Variants in MOV10L1 observed in about 807,000 individuals in gnomAD.
MOV10L1 encodes Mov10 like RNA helicase 1.
A neutral mutation model predicts 143.8 loss-of-function variants in MOV10L1; 110 were observed. That is an observed-to-expected ratio of 0.76 (90% CI 0.66 to 0.90). The LOEUF (loss-of-function observed/expected upper bound fraction) is 0.90. Ranked by LOEUF, MOV10L1 falls within the 40% of genes least tolerant of loss-of-function variation. MOV10L1 has a pLI of 0.00. For synonymous variants in MOV10L1, 593 were observed against 581.1 expected, an observed-to-expected ratio of 1.02 and a Z score of -0.29; for missense variants, 1,406 against 1,526.8, an observed-to-expected ratio of 0.92 and a Z score of 1.32.
In MOV10L1 at chr22:50,150,781, C is replaced by A. The variant is rs749831569; in HGVS notation, c.2774C>A (p.Ser925Tyr). ...DPMQLGPVIK[S>Y]RLAMAYGLNV... Reference sequence around the variant, plus strand: ...ATGCAGCTCGGCCCAGTCATTAAGTCCAGACTCGCCATGGCCTATGGGCTG... The same window carrying A: ...ATGCAGCTCGGCCCAGTCATTAAGTACAGACTCGCCATGGCCTATGGGCTG... Residue 925 changes from serine (S) to tyrosine (Y), a missense_variant, in exon 21 of 27, where the codon TCC becomes TAC. By Grantham distance (144) the Ser-to-Tyr change is moderately radical (BLOSUM62 -2). Around this residue, in one of 3 missense-constraint regions of MOV10L1, gnomAD observed 1,233 missense variants for 1,351.4 expected, o/e 0.91. Transcript: ENST00000262794. 4 of 1,614,078 alleles carry A rather than the reference C, an allele frequency of 2.5e-6. No homozygotes were observed. Among genetic ancestry groups the A allele is most frequent in the Non-Finnish European group, 3.4e-6 (4 of 1,180,038 alleles).
intron 1 of MOV10L1, among the ~76,000 whole-genome samples, chr22:50,091,660 A>G (rs920376145): frequency 2.6e-5 from 4 of 152,194 alleles, no homozygotes; most frequent in Non-Finnish European, 4.4e-5. Flanking sequence ...ACAGATGGCA[A>G]CAGGCCCAGA....
At chr22:50,112,877 C>T (rs2062061094) in intron 5 of MOV10L1, among the ~76,000 whole-genome samples, 3 of 152,230 alleles carry the variant, frequency 2.0e-5, no homozygotes, top group African/African-American at 4.8e-5. Flanking sequence ...GACTCTCTGC[C>T]CCTGTACCTC....
chr22:50,113,214 G>A (rs897966788), intron 5 of MOV10L1, among the ~76,000 whole-genome samples: 1 of 152,156 alleles, frequency 6.6e-6, no homozygotes, highest in Non-Finnish European at 1.5e-5. Flanking sequence ...TCATTTCATT[G>A]TTTTCAAACA....
rs773637136 is a variant in MOV10L1, at chr22:50,134,533, T to A, written c.1973T>A (p.Leu658Ter). Reference protein sequence around the residue: ...EHVIHLGVKVLFPEEIILQSP... With the variant: ...EHVIHLGVKV ...TTACCATTTTTTGTTTTAAAAGTGT[T>A]GTTTCCAGAAGAAATTATTTTACAG... The change falls in exon 15 of 27, where the codon TTG becomes TAG. Residue 658 changes from leucine (L) to a stop codon, truncating the protein, a stop_gained. Transcript: ENST00000262794. LOFTEE classifies it high-confidence loss of function. 5.0e-6 allele frequency: 8 copies of A among 1,614,084 alleles called. No homozygotes were observed. The Admixed American group carries it at 1.2e-4, about 24-fold the overall frequency.
At chr22:50,098,980 T>G (rs1178464320) in intron 2 of MOV10L1, among the ~76,000 whole-genome samples, 1 of 152,272 alleles carries the variant, frequency 6.6e-6, no homozygotes, top group Non-Finnish European at 1.5e-5. Context: ...TTTTCATATG[T>G]TGAAACACTT....
intron 15 of MOV10L1, among the ~76,000 whole-genome samples, chr22:50,141,372 C>T (rs1053728060): frequency 6.6e-6 from 1 of 151,986 alleles, no homozygotes; most frequent in African/African-American, 2.4e-5. Context: ...TCTCTGTCAC[C>T]CAGGTTGGAG....
chr22:50,134,329 A>G (rs543227833), intron 14 of MOV10L1, among the ~76,000 whole-genome samples: 4 of 132,124 alleles, frequency 3.0e-5, no homozygotes, highest in African/African-American at 1.1e-4. Flanking sequence ...ATGAATTTTT[A>G]CAGATGGGCA....
intron 22 of MOV10L1, among the ~76,000 whole-genome samples, chr22:50,154,273 T>G (rs1368174905): frequency 6.6e-6 from 1 of 152,026 alleles, no homozygotes; most frequent in Non-Finnish European, 1.5e-5. Context: ...GAAAACACAT[T>G]AGTGGCCAGG....
At position 50,090,801 on chromosome 22, in the gene MOV10L1, C is replaced by G. The variant is rs564269933; in HGVS notation, c.97+616C>G. 1.0e-3 allele frequency: 389 copies of G among 370,802 alleles called. 5 individuals are homozygous for G. Among genetic ancestry groups the G allele is most frequent in the African/African-American group, 7.5e-3 (352 of 47,248 alleles). The allele number at this position is 370,802 out of a possible 1,614,324, so 23.0% of individuals were successfully genotyped here. Reference sequence around the variant, plus strand: ...AAGTGATTCTCCTGCCTCAGCCTCCCGAGCAGCGGGGATTATAGGCACCCG... The same window carrying G: ...AAGTGATTCTCCTGCCTCAGCCTCCGGAGCAGCGGGGATTATAGGCACCCG... On this transcript the variant is annotated intron_variant, in intron 1 of 26. Coordinates refer to ENST00000262794, the MANE Select transcript of MOV10L1 (RefSeq NM_018995.3).
At chr22:50,091,351 A>C (rs994598233) in intron 1 of MOV10L1, 9 of 167,376 alleles carry the variant, frequency 5.4e-5, no homozygotes, top group African/African-American at 2.2e-4. Context: ...AGCAGTGGCC[A>C]GACGGCTGAG....
intron 11 of MOV10L1, among the ~76,000 whole-genome samples, 168 bp from the exon 12 acceptor site, chr22:50,126,034 C>T (rs558473968): frequency 3.3e-5 from 5 of 152,090 alleles, no homozygotes; most frequent in South Asian, 2.1e-4. Flanking sequence ...CCTTGTGATC[C>T]GCCCGCCTCG....
Position 50,114,475 on chromosome 22 carries a change from C to A in MOV10L1, c.979C>A (p.Gln327Lys), listed in dbSNP as rs2062112354. ...QFRFQMLDKD[Q>K]MCPVVSFVSV... ...CAGATTCCAAATGCTGGATAAAGAC[C>A]AGATGTGCCCCGTGGTATCTTTTGT... Residue 327 changes from glutamine (Q) to lysine (K), a missense_variant, in exon 7 of 27, where the codon CAG becomes AAG. This residue lies in a region of MOV10L1 where 1,233 missense variants were observed against 1,351.4 expected (regional missense o/e 0.91). Coordinates refer to ENST00000262794, the MANE Select transcript of MOV10L1 (RefSeq NM_018995.3). 3 of 1,614,132 alleles carry A rather than the reference C, an allele frequency of 1.9e-6. No individual in the cohort carries two copies. The highest frequency in any genetic ancestry group is 2.5e-6 in the Non-Finnish European group (3 of 1,180,020).
intron 15 of MOV10L1, among the ~76,000 whole-genome samples, chr22:50,138,856 A>T (rs916118842): frequency 7.2e-5 from 11 of 152,078 alleles, no homozygotes; most frequent in Admixed American, 2.0e-4. Context: ...GGTGCGTGCC[A>T]CCACACCCTG....
At chr22:50,135,136 C>G (rs2062788151) in intron 15 of MOV10L1, among the ~76,000 whole-genome samples, 1 of 151,840 alleles carries the variant, frequency 6.6e-6, no homozygotes, top group Non-Finnish European at 1.5e-5. Flanking sequence ...GTCTCAGTCT[C>G]CAGAGTAGCT....
intron 19 of MOV10L1, among the ~76,000 whole-genome samples, chr22:50,148,725 G>A (rs900026111): frequency 5.3e-5 from 8 of 150,666 alleles, no homozygotes; most frequent in East Asian, 1.9e-4. Flanking sequence ...GTGCAGTGGC[G>A]CGATCTCAGC....
In MOV10L1 at chr22:50,125,521, G is replaced by C. The variant is rs150680252; in HGVS notation, c.1699G>C (p.Val567Leu). 6.4e-5 allele frequency: 104 copies of C among 1,614,108 alleles called. No homozygotes were observed. The highest frequency in any genetic ancestry group is 8.5e-5 in the Non-Finnish European group (100 of 1,180,048). ...CTTAAGAAGGAATGGGGATCTGCTG[G>C]TTCTGGAGGTCCCAGGGTTGGCCGA... ...IILRRNGDLL[V>L]LEVPGLAEGR... Residue 567 changes from valine to leucine, a missense_variant, in exon 11 of 27, where the codon GTT becomes CTT. Transcript: ENST00000262794.
rs2063331062 is a variant in MOV10L1 at position 50,152,666 on chromosome 22, C to T, written c.2893-379C>T. 6.6e-6 allele frequency among the ~76,000 whole-genome samples: 1 copy of T among 152,086 alleles called. No individual in the cohort carries two copies. Among genetic ancestry groups the T allele is most frequent in the Non-Finnish European group, 1.5e-5 (1 of 67,992 alleles). ...CCAAGCGGAGGCAGGGCTGTGTGGG[C>T]CAACAAGATGCTGTTTCCAGGGTGA... On this transcript the variant is annotated intron_variant, in intron 21 of 26. Coordinates refer to ENST00000262794, the MANE Select transcript of MOV10L1 (RefSeq NM_018995.3). This position sits in a 1 kb window ranked among gnomAD's most constrained non-coding sequence, Gnocchi z 4.4.
chr22:50,160,918 G>A, intron 25 of MOV10L1, 46 bp from the exon 26 acceptor site: 2 of 1,612,874 alleles, frequency 1.2e-6, no homozygotes, highest in Non-Finnish European at 1.7e-6. Flanking sequence ...AGGAGACATG[G>A]GGCCTTCACT....
chr22:50,156,832 G>A (rs1407914570), intron 22 of MOV10L1, among the ~76,000 whole-genome samples: 2 of 152,192 alleles, frequency 1.3e-5, no homozygotes, highest in African/African-American at 4.8e-5. Context: ...TACAACGGGT[G>A]TACAGATATC....
Sources: allele counts gnomAD v4.1 joint callset (sites outside exome capture counted in the v4.1 genomes callset), GRCh38; gene constraint gnomAD v4.1.1; regional missense constraint gnomAD v4.1.1; non-coding constraint Gnocchi (gnomAD v3.1); transcripts MANE v1.5; gene names NCBI Gene and HGNC (gene_info 2026-07-23, HGNC 2026-07-21).